The following VGLL4 variants were observed in gnomAD, a reference collection of about 807,000 sequenced individuals.
VGLL4 encodes the protein vestigial like family member 4.
VGLL4 carries 7 observed loss-of-function variants against 21.0 expected under a neutral mutation model. The ratio of observed to expected loss-of-function variants is 0.33; its 90% CI spans 0.19 to 0.63. The LOEUF is 0.63. Among genes scored for constraint, VGLL4 ranks in the 20% least tolerant of loss-of-function variants. VGLL4 has a pLI of 0.78. For missense variants in VGLL4, 394 were observed against 425.7 expected, an observed-to-expected ratio of 0.93 and a Z score of 0.66; for synonymous variants, 222 against 173.2, an observed-to-expected ratio of 1.28 and a Z score of -2.21.
rs1553742727 is a variant in VGLL4, at chr3:11,675,359, T to TA, written c.64+27611dup. 2.3e-3 allele frequency among the ~76,000 whole-genome samples: 351 copies of TA among 150,782 alleles called. 1 individual carries two copies. Among genetic ancestry groups the TA allele is most frequent in the African/African-American group, 7.2e-3 (297 of 41,162 alleles). On this transcript the variant is annotated intron_variant, in intron 2 of 5. Transcript: ENST00000273038. Reference sequence around the variant, plus strand: ...AGGCACTGTCTCAAAAAATAAAAAATAAAAAAATAAAAAAATGTAACATAG... The same window carrying TA: ...AGGCACTGTCTCAAAAAATAAAAAATAAAAAAAATAAAAAAATGTAACATAG...
At chr3:11,582,256 G>GAAT (rs1369916369) in intron 2 of VGLL4, 3 of 1,603,190 alleles carry the variant, frequency 1.9e-6, no homozygotes, top group Non-Finnish European at 2.6e-6. Flanking sequence ...AAGGATAAGG[G>GAAT]AATAAAATGA....
At chr3:11,601,417 G>C (rs2074794302) in intron 2 of VGLL4, among the ~76,000 whole-genome samples, 1 of 152,200 alleles carries the variant, frequency 6.6e-6, no homozygotes, top group Non-Finnish European at 1.5e-5. Context: ...ACAGACGTCT[G>C]CTTGGTCAAA....
intron 2 of VGLL4, among the ~76,000 whole-genome samples, chr3:11,673,458 G>A (rs569452546): frequency 1.8e-4 from 27 of 152,052 alleles, no homozygotes; most frequent in Middle Eastern, 3.4e-3. Context: ...AGACTAGTCC[G>A]GGAGGTCCAA....
At chr3:11,691,983 G>A (rs199904147) in intron 2 of VGLL4, among the ~76,000 whole-genome samples, 1,127 of 104,982 alleles carry the variant, frequency 0.011, no homozygotes, top group East Asian at 0.016. Context: ...TGCACCAAAT[G>A]AAAAAAAAAA....
chr3:11,571,051 C>T (rs1352866569), intron 2 of VGLL4, among the ~76,000 whole-genome samples: 2 of 152,246 alleles, frequency 1.3e-5, no homozygotes, highest in East Asian at 1.9e-4. Context: ...GCCGAGGTGG[C>T]GGAGGCTGAG....
chr3:11,598,344 T>C (rs891312755), intron 2 of VGLL4, among the ~76,000 whole-genome samples: 7 of 152,148 alleles, frequency 4.6e-5, no homozygotes, highest in African/African-American at 1.7e-4. Context: ...CTTCTTACTC[T>C]GGCTCAGAGC....
chr3:11,635,243 C>A (rs2075563916), intron 1 of VGLL4, among the ~76,000 whole-genome samples: 1 of 152,114 alleles, frequency 6.6e-6, no homozygotes, highest in African/African-American at 2.4e-5. Context: ...AGTCTAATGG[C>A]TGGAACAAAC....
intron 1 of VGLL4, among the ~76,000 whole-genome samples, chr3:11,711,389 C>G (rs577418279): frequency 6.6e-6 from 1 of 151,902 alleles, no homozygotes; most frequent in Admixed American, 6.6e-5. Flanking sequence ...ATGGTGAAAC[C>G]CCATCTCGAC....
intron 2 of VGLL4, among the ~76,000 whole-genome samples, chr3:11,576,622 C>T (rs1229335647): frequency 1.3e-5 from 2 of 152,178 alleles, no homozygotes; most frequent in Non-Finnish European, 2.9e-5. Context: ...ACAGCTGAGG[C>T]GAGGACTAGA....
intron 1 of VGLL4, among the ~76,000 whole-genome samples, chr3:11,626,065 C>T (rs1027584335): frequency 6.6e-6 from 1 of 152,170 alleles, no homozygotes; most frequent in Non-Finnish European, 1.5e-5. Flanking sequence ...CTCAGCAAAG[C>T]TGTTAAAAAT....
intron 2 of VGLL4, chr3:11,693,072 A>C: frequency 5.0e-6 from 1 of 198,330 alleles, no homozygotes. Flanking sequence ...CGAGAGGCTG[A>C]GGTGGGAGGA....
intron 1 of VGLL4, among the ~76,000 whole-genome samples, chr3:11,603,779 A>C (rs533583210): frequency 4.6e-5 from 7 of 152,342 alleles, no homozygotes; most frequent in Admixed American, 1.3e-4. Context: ...TCATTTCATC[A>C]GATGCCAGCT....
At chr3:11,595,841 T>TC (rs745554554) in intron 2 of VGLL4, among the ~76,000 whole-genome samples, 4,313 of 27,006 alleles carry the variant, frequency 0.16, 133 homozygotes, top group East Asian at 0.18. Flanking sequence ...TGTTGTGGTG[T>TC]GGGGGGGGCG....
At chr3:11,635,311 G>A (rs2125322153) in intron 1 of VGLL4, among the ~76,000 whole-genome samples, 1 of 151,928 alleles carries the variant, frequency 6.6e-6, no homozygotes, top group South Asian at 2.1e-4. Context: ...TTGTATAGGA[G>A]CACATGATGA....
At chr3:11,696,352 C>A (rs2076606618) in intron 2 of VGLL4, among the ~76,000 whole-genome samples, 1 of 152,208 alleles carries the variant, frequency 6.6e-6, no homozygotes, top group Non-Finnish European at 1.5e-5. Flanking sequence ...ATGGTCACTC[C>A]CTTTGGTGAA....
At position 11,602,034 on chromosome 3, in the gene VGLL4, G is replaced by C. The variant is rs759698144; in HGVS notation, c.83-12C>G. ...GAGAGCAGCTTCGCCTACGCAGAGA[G>C]AGATGATGTAGTCACTAAGCAGGAG... On this transcript the variant is annotated splice_polypyrimidine_tract_variant and intron_variant, in intron 1 of 4. Transcript: ENST00000430365. The C allele has an allele frequency of 1.3e-5, 20 of 1,533,580 alleles. No individual in the cohort carries two copies. The highest frequency in any genetic ancestry group is 1.7e-5 in the Non-Finnish European group (19 of 1,146,338). 95.0% of individuals were successfully genotyped at this position (1,533,580 alleles called of 1,614,324 possible).
intron 1 of VGLL4, among the ~76,000 whole-genome samples, chr3:11,704,787 C>T (rs2076736016): frequency 1.3e-5 from 2 of 152,186 alleles, no homozygotes; most frequent in South Asian, 4.1e-4. Flanking sequence ...CCATTTTCAA[C>T]CCAAAACGCA....
intron 2 of VGLL4, among the ~76,000 whole-genome samples, chr3:11,659,047 A>G (rs963350516): frequency 6.6e-6 from 1 of 152,102 alleles, no homozygotes; most frequent in African/African-American, 2.4e-5. Flanking sequence ...TATATATACA[A>G]TTTCCATGCC....
At chr3:11,662,907 A>T (rs942764600) in intron 2 of VGLL4, among the ~76,000 whole-genome samples, 1 of 152,214 alleles carries the variant, frequency 6.6e-6, no homozygotes, top group Non-Finnish European at 1.5e-5. Flanking sequence ...GATGGGAGGG[A>T]CTTTCTTCAC....
Sources: allele counts gnomAD v4.1 joint callset (sites outside exome capture counted in the v4.1 genomes callset), GRCh38; gene constraint gnomAD v4.1.1; transcripts MANE v1.5; gene names NCBI Gene and HGNC (gene_info 2026-07-23, HGNC 2026-07-21).